Variants in FER observed in about 807,000 individuals in gnomAD.
FER encodes tyrosine-protein kinase Fer.
A neutral mutation model predicts 111.0 loss-of-function variants in FER; 63 were observed. That is an observed-to-expected ratio of 0.57 (90% CI 0.46 to 0.70). The LOEUF (loss-of-function observed/expected upper bound fraction) is 0.70, where lower values mean the gene tolerates loss of function less well. Ranked by LOEUF, FER falls within the 30% of genes least tolerant of loss-of-function variation. The pLI, the probability that FER is intolerant of heterozygous loss-of-function variation, is 0.00. For synonymous variants in FER, 327 were observed against 313.9 expected, an observed-to-expected ratio of 1.04 and a Z score of -0.44; for missense variants, 914 against 954.0, an observed-to-expected ratio of 0.96 and a Z score of 0.55.
At chr5:108,756,732 A>G (rs1751154124) in intron 1 of FER, among the ~76,000 whole-genome samples, 1 of 152,174 alleles carries the variant, frequency 6.6e-6, no homozygotes, top group Non-Finnish European at 1.5e-5. Flanking sequence ...TTTATATACA[A>G]TAGAAAATTT....
chr5:109,173,762 C>CT (rs377498974), intron 17 of FER, among the ~76,000 whole-genome samples: 1 of 147,552 alleles, frequency 6.8e-6, no homozygotes, highest in Non-Finnish European at 1.5e-5. Context: ...TACCTCCCCC[C>CT]CCCCCACAAG....
At chr5:109,042,619 T>C (rs1349122668) in intron 14 of FER, among the ~76,000 whole-genome samples, 6 of 152,246 alleles carry the variant, frequency 3.9e-5, no homozygotes, top group African/African-American at 1.4e-4. Flanking sequence ...CCTCTTAAAA[T>C]AGGGCAGAAA....
intron 13 of FER, among the ~76,000 whole-genome samples, chr5:108,993,076 C>A (rs2149754152): frequency 6.6e-6 from 1 of 151,662 alleles, no homozygotes; most frequent in African/African-American, 2.4e-5. Flanking sequence ...GGCAGAGGGG[C>A]TCCTCACCTC....
intron 10 of FER, among the ~76,000 whole-genome samples, chr5:108,939,755 G>A (rs913535667): frequency 4.6e-5 from 7 of 151,410 alleles, no homozygotes; most frequent in South Asian, 2.1e-4. Context: ...TAGGATTTTC[G>A]TTTAGGTTCT....
intron 18 of FER, among the ~76,000 whole-genome samples, chr5:109,182,316 C>T (rs143482998): frequency 6.6e-6 from 1 of 152,308 alleles, no homozygotes; most frequent in East Asian, 1.9e-4. Flanking sequence ...CTAACCCTCA[C>T]CCTTAGTTTG....
At chr5:108,952,801 ACT>A (rs1757944317) in intron 11 of FER, among the ~76,000 whole-genome samples, 1 of 151,906 alleles carries the variant, frequency 6.6e-6, no homozygotes. Flanking sequence ...AGTTCATCGA[ACT>A]CTGTTCATCA....
At chr5:109,095,260 T>TAA (rs1747357232) in intron 16 of FER, among the ~76,000 whole-genome samples, 1 of 152,108 alleles carries the variant, frequency 6.6e-6, no homozygotes, top group African/African-American at 2.4e-5. Context: ...AGTACTTTTT[T>TAA]AAAGAAGGAA....
intron 1 of FER, among the ~76,000 whole-genome samples, chr5:108,766,998 T>C (rs553656097): frequency 6.6e-6 from 1 of 152,284 alleles, no homozygotes; most frequent in South Asian, 2.1e-4. Context: ...TACTTTGGCA[T>C]ACTGAAGCCT....
intron 3 of FER, among the ~76,000 whole-genome samples, chr5:108,807,501 A>G (rs1282899841): frequency 2.0e-4 from 30 of 151,318 alleles, no homozygotes; most frequent in Non-Finnish European, 1.5e-5. Flanking sequence ...GCTTATTTTC[A>G]TTTTCCGTCT....
chr5:109,155,626 A>G (rs1014478960), intron 17 of FER, among the ~76,000 whole-genome samples: 1 of 151,998 alleles, frequency 6.6e-6, no homozygotes, highest in Admixed American at 6.6e-5. Context: ...CTACAGCACT[A>G]AAGTCTACAA....
chr5:109,121,578 T>A (rs753775545), intron 17 of FER, among the ~76,000 whole-genome samples: 2 of 152,086 alleles, frequency 1.3e-5, no homozygotes, highest in Admixed American at 6.5e-5. Context: ...CTTTATCCGG[T>A]TTTAGTATCA....
chr5:108,822,763 A>AT (rs780802986), intron 3 of FER, among the ~76,000 whole-genome samples: 49,956 of 116,954 alleles, frequency 0.43, 11,300 homozygotes, highest in African/African-American at 0.69. Flanking sequence ...ATTTTATTTT[A>AT]TTTATTTTAT....
intron 13 of FER, among the ~76,000 whole-genome samples, chr5:109,029,473 T>C (rs541612296): frequency 6.7e-6 from 1 of 149,714 alleles, no homozygotes; most frequent in Non-Finnish European, 1.5e-5. Context: ...AGTCCCACTT[T>C]GTTTCCCAAG....
chr5:109,099,170 ACT>A (rs1284956108), intron 16 of FER, among the ~76,000 whole-genome samples: 3 of 151,524 alleles, frequency 2.0e-5, no homozygotes, highest in Non-Finnish European at 4.4e-5. Context: ...ATATACTTTA[ACT>A]CTTTTTTTAA....
intron 13 of FER, among the ~76,000 whole-genome samples, chr5:109,026,686 A>T (rs1768784580): frequency 6.6e-6 from 1 of 152,012 alleles, no homozygotes; most frequent in South Asian, 2.1e-4. Context: ...CATTTTGTTA[A>T]TTATTCTTTC....
chr5:108,838,260 A>G (rs1170549963), intron 5 of FER, among the ~76,000 whole-genome samples: 1 of 152,116 alleles, frequency 6.6e-6, no homozygotes, highest in Non-Finnish European at 1.5e-5. Flanking sequence ...GTTCACCTAC[A>G]TGGGCCAGAT....
intron 5 of FER, chr5:108,841,770 T>C (rs1761293748): frequency 5.5e-6 from 2 of 364,622 alleles, no homozygotes; most frequent in South Asian, 4.4e-5. Context: ...GGGAGGTCTT[T>C]CTGGACCAAT....
intron 1 of FER, chr5:108,748,660 G>C (rs1486596084): frequency 6.6e-6 from 1 of 152,330 alleles, no homozygotes; most frequent in Non-Finnish European, 1.5e-5. Context: ...AGCGGCGACC[G>C]CAGCTCCGCG....
intron 8 of FER, among the ~76,000 whole-genome samples, chr5:108,880,252 A>T (rs968890393): frequency 1.1e-4 from 17 of 152,178 alleles, no homozygotes; most frequent in African/African-American, 4.1e-4. Context: ...ATGTGCAGGG[A>T]AGAGCAGCAA....
Sources: gnomAD v4.1 joint callset for allele counts (sites outside exome capture counted in the v4.1 genomes callset) on GRCh38, gnomAD v4.1.1 for gene constraint, MANE v1.5 for transcripts, NCBI Gene and HGNC (gene_info 2026-07-23, HGNC 2026-07-21) for gene names.